LAIR1: variants seen among roughly 807,000 people sequenced by gnomAD.
LAIR1 encodes the protein leukocyte-associated immunoglobulin-like receptor 1.
Under a neutral mutation model 32.8 loss-of-function variants are expected in LAIR1, and 24 were observed. The ratio of observed to expected loss-of-function variants is 0.73; its 90% CI spans 0.53 to 1.03. LAIR1 has a LOEUF of 1.03. LAIR1 is among the 50% of genes least tolerant of loss of function. The pLI is 0.00. For missense variants in LAIR1, 355 were observed against 347.5 expected (o/e 1.02, Z -0.17); for synonymous variants, 150 against 140.5 (o/e 1.07, Z -0.48).
In LAIR1 at chr19:54,364,606, T is replaced by C. The variant is rs2082176981; in HGVS notation, c.34+165A>G. ...CCGGGCCCCTGTTTTTAGGACAAGA[T>C]CTTCTCTGATCAGACTTAGGCCCCA... On this transcript the variant is annotated intron_variant, in intron 1 of 9. Transcript: ENST00000391742. The surrounding 1 kb of genome is among the most constrained non-coding windows in gnomAD (Gnocchi z 4.8). 3 of 838,950 alleles carry C rather than the reference T, an allele frequency of 3.6e-6. No homozygotes were observed. The highest frequency in any genetic ancestry group is 6.2e-6 in the Non-Finnish European group (3 of 482,992). 52.0% of individuals were successfully genotyped at this position (838,950 alleles called of 1,614,324 possible). A position where few individuals can be genotyped will look rare whatever the true frequency, so the allele number is the denominator to read the frequency against.
intron 4 of LAIR1, among the ~76,000 whole-genome samples, chr19:54,359,268 G>A (rs1266588213): frequency 6.6e-6 from 1 of 151,854 alleles, no homozygotes; most frequent in Non-Finnish European, 1.5e-5. Flanking sequence ...TTATGACCCC[G>A]TGTCCTCCCC....
chr19:54,364,519 C>T lies in LAIR1; in HGVS notation c.35-189G>A, dbSNP rs1314670267. 2.2e-5 allele frequency: 18 copies of T among 809,596 alleles called. No homozygotes were observed. In the Middle Eastern group the frequency reaches 1.1e-3, roughly 49 times the overall value. 50.2% of individuals were successfully genotyped at this position (809,596 alleles called of 1,614,324 possible). A position where few individuals can be genotyped will look rare whatever the true frequency, so the allele number is the denominator to read the frequency against. On this transcript the variant is annotated intron_variant, in intron 1 of 9. Transcript: ENST00000391742. This position sits in a 1 kb window ranked among gnomAD's most constrained non-coding sequence, Gnocchi z 4.8. ...ATGGTTTCAAGATAAATCCCAAAGT[C>T]TCCTCCTCCAAAAAGGCTCCTGCTC...
rs558604389 is a variant in LAIR1 at position 54,364,121 on chromosome 19, C to T, written c.70+174G>A. ...AGCAAAATAAGACAGGTGGAGGATG[C>T]GAGAGAGAACTGGGTGAGGGTTGGT... On this transcript the variant is annotated intron_variant, in intron 2 of 9. Transcript: ENST00000391742. The surrounding 1 kb of genome is among the most constrained non-coding windows in gnomAD (Gnocchi z 4.8). 6.6e-5 allele frequency among the ~76,000 whole-genome samples: 10 copies of T among 152,008 alleles called. No homozygotes were observed. The highest frequency in any genetic ancestry group is 4.2e-4 in the South Asian group (2 of 4,812).
intron 8 of LAIR1, 52 bp downstream of exon 8, chr19:54,356,178 A>G: frequency 5.4e-6 from 8 of 1,468,224 alleles, no homozygotes; most frequent in Non-Finnish European, 7.5e-6. Flanking sequence ...CTGGATTGGC[A>G]CCAAGTCCCC....
At chr19:54,357,197 T>C (rs899849620) in intron 4 of LAIR1, 9 of 558,910 alleles carry the variant, frequency 1.6e-5, no homozygotes, top group African/African-American at 9.5e-5. Context: ...TTATCCAAAG[T>C]TGAATGGCAT....
rs149601541 is a variant in LAIR1, at chr19:54,360,574, C to T, written c.364+342G>A. ...AAGGAATAAGCGGGACCATCCATCC[C>T]GTGTGAAAAGACACTCATCCTCTTG... On this transcript the variant is annotated intron_variant, in intron 3 of 9. Transcript: ENST00000391742. The T allele has an allele frequency of 4.7e-3, 2,142 of 451,082 alleles. 40 individuals are homozygous for T. The highest frequency in any genetic ancestry group is 0.038 in the African/African-American group (1,970 of 51,828). 27.9% of individuals were successfully genotyped at this position (451,082 alleles called of 1,614,324 possible).
Position 54,356,358 on chromosome 19 carries a change from C to G in LAIR1, c.624G>C (p.Gln208His). ...GGAGTCATTCCCAGGGGCCTCACCT[C>G]TGCTGTGGCTTCTGCTCCTCGTCCT... ...RSKDEEQKPQ[Q>H]RPDLAVDVLE... The change falls in exon 7 of 10, where the codon CAG (glutamine) becomes CAC (histidine). Residue 208 changes from glutamine to histidine, a missense_variant and splice_region_variant. Physicochemically the swap from Gln to His is conservative, Grantham distance 24 (BLOSUM62 0). Coordinates refer to ENST00000391742, the MANE Select transcript of LAIR1 (RefSeq NM_002287.6). The G allele has an allele frequency of 1.3e-6, 2 of 1,594,210 alleles. No individual in the cohort carries two copies. Among genetic ancestry groups the G allele is most frequent in the Non-Finnish European group, 8.5e-7 (1 of 1,170,598 alleles).
In LAIR1 at chr19:54,356,579, A is replaced by G. The variant is rs1446416879; in HGVS notation, c.495T>C (p.Tyr165=). The G allele has an allele frequency of 6.2e-6, 10 of 1,614,036 alleles. No individual in the cohort carries two copies. Among genetic ancestry groups the G allele is most frequent in the Non-Finnish European group, 7.6e-6 (9 of 1,180,006 alleles). The change falls in exon 6 of 10, where the codon TAT becomes TAC. Residue 165 remains tyrosine, a synonymous_variant. Coordinates refer to ENST00000391742, the MANE Select transcript of LAIR1 (RefSeq NM_002287.6). ...AGACCACTGAGACCCCGATGAGAAT[A>G]TACAGATGCTCAGCTTTCAGGCCTT... The part of the protein sequence containing the change: ...ASQGLKAEHL[Y]ILIGVSVVFL...
chr19:54,365,078 G>C, upstream of LAIR1: 1 of 1,348,742 alleles, frequency 7.4e-7, no homozygotes, highest in Non-Finnish European at 9.5e-7. Flanking sequence ...TACCAGATGT[G>C]TCAGCCTCTT....
At chr19:54,356,049 G>T (rs768179114) in intron 8 of LAIR1, 43 bp from the exon 9 acceptor site, 2 of 1,515,316 alleles carry the variant, frequency 1.3e-6, no homozygotes, top group Non-Finnish European at 1.8e-6. Flanking sequence ...GGAGGATGTC[G>T]CAAGGCAAAT....
upstream of LAIR1, among the ~76,000 whole-genome samples, chr19:54,373,274 C>A (rs775785376): frequency 6.6e-6 from 1 of 150,760 alleles, no homozygotes; most frequent in Non-Finnish European, 1.5e-5. Flanking sequence ...AACCCCATCT[C>A]TACTAAAAAA....
chr19:54,370,343 G>A (rs1261470092), exon 1 of LAIR1: 14 of 1,415,020 alleles, frequency 9.9e-6, no homozygotes, highest in Non-Finnish European at 1.2e-5. Context: ...TAGGATTCCC[G>A]ACCTGTGCCT....
chr19:54,361,626 G>A (rs1461150285), intron 2 of LAIR1, among the ~76,000 whole-genome samples: 2 of 143,546 alleles, frequency 1.4e-5, no homozygotes, highest in Non-Finnish European at 1.6e-5. Context: ...GAGATGGCTT[G>A]TGCTGGGGCC....
chr19:54,355,636 G>A lies in LAIR1; in HGVS notation c.718-222C>T, dbSNP rs2081660807. Reference sequence around the variant, plus strand: ...ACTTCCAAGCTGAGCCAAAAGACATGGTGCTTCTGTCCCCTCCCTGCCACC... The same window carrying A: ...ACTTCCAAGCTGAGCCAAAAGACATAGTGCTTCTGTCCCCTCCCTGCCACC... On this transcript the variant is annotated intron_variant, in intron 9 of 9. Transcript: ENST00000391742. The surrounding 1 kb of genome is among the most constrained non-coding windows in gnomAD (Gnocchi z 4.7). Among the ~76,000 whole-genome samples the A allele has an allele frequency of 6.6e-6, 1 of 152,198 alleles. No homozygotes were observed. Among genetic ancestry groups the A allele is most frequent in the Non-Finnish European group, 1.5e-5 (1 of 68,028 alleles).
rs900062605 is a variant in LAIR1 at position 54,354,477 on chromosome 19, T to C, written c.*791A>G. The C allele has an allele frequency of 6.6e-6, 1 of 152,194 alleles. No individual in the cohort carries two copies. The highest frequency in any genetic ancestry group is 1.5e-5 in the Non-Finnish European group (1 of 68,040). 9.4% of individuals were successfully genotyped at this position (152,194 alleles called of 1,614,324 possible). A position where few individuals can be genotyped will look rare whatever the true frequency, so the allele number is the denominator to read the frequency against. ...GCTGAGGAATTGATTGTGACTGTCA[T>C]TGCACAATGTACGTGTACGACAAAT... On this transcript the variant is annotated 3_prime_UTR_variant, in exon 10 of 10. Coordinates refer to ENST00000391742, the MANE Select transcript of LAIR1 (RefSeq NM_002287.6).
chr19:54,373,357 T>C (rs1336796192), upstream of LAIR1, among the ~76,000 whole-genome samples: 3 of 151,716 alleles, frequency 2.0e-5, no homozygotes, highest in African/African-American at 7.3e-5. Context: ...GGCAGGAAAA[T>C]GGCATGAACC....
chr19:54,356,004 T>A lies in LAIR1; in HGVS notation c.667A>T (p.Lys223Ter), dbSNP rs1229104476. 1 of 1,609,426 alleles carries A rather than the reference T, an allele frequency of 6.2e-7. No homozygotes were observed. Among genetic ancestry groups the A allele is most frequent in the Admixed American group, 1.7e-5 (1 of 60,016 alleles). The change falls in exon 9 of 10, where the codon AAG becomes TAG. Residue 223 changes from lysine (K) to a stop codon, truncating the protein, a stop_gained and splice_region_variant. Coordinates refer to ENST00000391742, the MANE Select transcript of LAIR1 (RefSeq NM_002287.6). LOFTEE classifies it low-confidence loss of function (END_TRUNC). Reference sequence around the variant, plus strand: ...TCAGGAAGTCCATTGACTGTGGCCTTGTCTTGGGGAGAAAATACATGGTCA... The same window carrying A: ...TCAGGAAGTCCATTGACTGTGGCCTAGTCTTGGGGAGAAAATACATGGTCA... The part of the protein sequence containing the change: ...AVDVLERTAD[K>*]ATVNGLPEKD...
At chr19:54,374,324 G>A (rs1357368716), upstream of LAIR1, among the ~76,000 whole-genome samples, 2 of 152,190 alleles carry the variant, frequency 1.3e-5, no homozygotes, top group Non-Finnish European at 2.9e-5. Flanking sequence ...GCACGTCTTA[G>A]CTAACCTGCA....
At chr19:54,373,990 A>G (rs1182137052), upstream of LAIR1, among the ~76,000 whole-genome samples, 1 of 152,112 alleles carries the variant, frequency 6.6e-6, no homozygotes, top group Non-Finnish European at 1.5e-5. Context: ...AGTGTTATGA[A>G]CAGTCACACA....
Sources: allele counts gnomAD v4.1 joint callset (sites outside exome capture counted in the v4.1 genomes callset), GRCh38; gene constraint gnomAD v4.1.1; non-coding constraint Gnocchi (gnomAD v3.1); transcripts MANE v1.5; gene names NCBI Gene and HGNC (gene_info 2026-07-23, HGNC 2026-07-21).